The following MTSS1 variants were observed in gnomAD, a reference collection of about 807,000 sequenced individuals.
MTSS1 encodes the protein MTSS I-BAR domain containing 1.
Under a neutral mutation model 79.0 loss-of-function variants are expected in MTSS1, and 18 were observed. The ratio of observed to expected loss-of-function variants is 0.23; its 90% CI spans 0.16 to 0.34. The LOEUF is 0.34. Among genes scored for constraint, MTSS1 ranks in the 10% least tolerant of loss-of-function variants. The pLI is 1.00. For missense variants in MTSS1, 815 were observed against 986.2 expected (o/e 0.83, Z 2.33); for synonymous variants, 341 against 368.6 (o/e 0.93, Z 0.86).
chr8:124,567,555 C>A, intron 7 of MTSS1: 2 of 1,292,980 alleles, frequency 1.5e-6, no homozygotes, highest in Non-Finnish European at 1.0e-6. Flanking sequence ...ATGGATGACA[C>A]GACTTGGATA....
At chr8:124,603,794 G>A (rs1016908388) in intron 3 of MTSS1, among the ~76,000 whole-genome samples, 3 of 152,172 alleles carry the variant, frequency 2.0e-5, no homozygotes, top group African/African-American at 7.2e-5. Context: ...GCAGCGTCCT[G>A]ATACCTTATG....
chr8:124,577,663 T>C (rs1204691840), intron 6 of MTSS1: 1 of 517,112 alleles, frequency 1.9e-6, no homozygotes, highest in Non-Finnish European at 3.9e-6. Context: ...AGAAGGGGTC[T>C]GGCTGTGCCT....
chr8:124,695,879 T>C lies in MTSS1; in HGVS notation c.208+3647A>G, dbSNP rs192793283. Among the ~76,000 whole-genome samples the C allele has an allele frequency of 9.5e-3, 1,445 of 151,604 alleles. 44 individuals are homozygous for C. The highest frequency in any genetic ancestry group is 0.054 in the Admixed American group (815 of 15,204). On this transcript the variant is annotated intron_variant, in intron 3 of 13. Coordinates refer to ENST00000518547, the MANE Select transcript of MTSS1 (RefSeq NM_014751.6). ...GAAAACTAGTGTTGTTTTTTTTTTT[T>C]CCTCCCAGCATGTTTGTTTATATAT...
chr8:124,674,129 ATTTTATTT>A lies in MTSS1; in HGVS notation c.208+25389_208+25396del, dbSNP rs1240264187. 2.6e-5 allele frequency among the ~76,000 whole-genome samples: 4 copies of A among 152,058 alleles called. No homozygotes were observed. The East Asian group carries it at 7.7e-4, about 29-fold the overall frequency. ...CTAAGGGGCAGGTACAGAATATATT[ATTTTATTT>A]TTTTATTTTTTGAGATGGAGCCTCA... On this transcript the variant is annotated intron_variant, in intron 3 of 13. Transcript: ENST00000518547.
intron 3 of MTSS1, among the ~76,000 whole-genome samples, chr8:124,602,986 CA>C (rs1453986684): frequency 3.3e-5 from 5 of 152,188 alleles, no homozygotes; most frequent in Non-Finnish European, 7.3e-5. Context: ...AGAAAACTCA[CA>C]AAGCAACAAA....
intron 10 of MTSS1, chr8:124,558,737 C>G: frequency 6.3e-7 from 1 of 1,576,570 alleles, no homozygotes; most frequent in South Asian, 1.1e-5. Flanking sequence ...CCCAGGCACC[C>G]ATGGTGGAGC....
At chr8:124,712,916 C>T (rs998770220) in intron 1 of MTSS1, among the ~76,000 whole-genome samples, 2 of 152,162 alleles carry the variant, frequency 1.3e-5, no homozygotes, top group Admixed American at 6.5e-5. Context: ...TTCCTCCTCC[C>T]GCATTACTAG....
Position 124,567,982 on chromosome 8 carries a change from C to CA in MTSS1, c.618+396dup, listed in dbSNP as rs1333706450. Reference sequence around the variant, plus strand: ...AGTACTCGGCTACAACAGTGAGTCTCAAAACCACCTGGAGTGCTCCTTTAA... The same window carrying CA: ...AGTACTCGGCTACAACAGTGAGTCTCAAAAACCACCTGGAGTGCTCCTTTAA... On this transcript the variant is annotated intron_variant, in intron 7 of 13. Transcript: ENST00000518547. 9.7e-6 allele frequency: 13 copies of CA among 1,333,500 alleles called. 1 individual carries two copies. The Admixed American group carries it at 4.2e-4, about 43-fold the overall frequency. The allele number at this position is 1,333,500 out of a possible 1,614,324, so 82.6% of individuals were successfully genotyped here.
intron 9 of MTSS1, among the ~76,000 whole-genome samples, chr8:124,565,254 G>A (rs1016905094): frequency 6.6e-6 from 1 of 152,208 alleles, no homozygotes. Flanking sequence ...GGGGTGAAAT[G>A]AGGGCATAAG....
At position 124,582,426 on chromosome 8, in the gene MTSS1, G is replaced by A. The variant is rs550289156; in HGVS notation, c.460+2661C>T. On this transcript the variant is annotated intron_variant, in intron 6 of 13. Transcript: ENST00000518547. The surrounding 1 kb of genome is among the most constrained non-coding windows in gnomAD (Gnocchi z 4.8). ...ATCACATCCGTGTGTGTCTGCCCACGTCAAGGATGGTGGTAAAACCATGCT... is the reference window on the plus strand; with the variant it reads ...ATCACATCCGTGTGTGTCTGCCCACATCAAGGATGGTGGTAAAACCATGCT... 1.2e-4 allele frequency among the ~76,000 whole-genome samples: 18 copies of A among 152,234 alleles called. No homozygotes were observed. Among genetic ancestry groups the A allele is most frequent in the African/African-American group, 4.1e-4 (17 of 41,546 alleles).
chr8:124,717,303 C>T (rs1057223968), intron 1 of MTSS1, among the ~76,000 whole-genome samples: 5 of 151,982 alleles, frequency 3.3e-5, no homozygotes, highest in Non-Finnish European at 5.9e-5. Flanking sequence ...ACCAGCCTGG[C>T]CAACATGACA....
chr8:124,666,100 A>C (rs1019994983), intron 3 of MTSS1, among the ~76,000 whole-genome samples: 14 of 152,236 alleles, frequency 9.2e-5, no homozygotes, highest in Non-Finnish European at 1.9e-4. Flanking sequence ...TAAATGTTCA[A>C]TAGTCTCACT....
chr8:124,616,644 T>C (rs1470900259), intron 3 of MTSS1, among the ~76,000 whole-genome samples: 1 of 152,200 alleles, frequency 6.6e-6, no homozygotes, highest in Admixed American at 6.5e-5. Context: ...AGGGATCCTT[T>C]GGACTCCCCC....
intron 3 of MTSS1, among the ~76,000 whole-genome samples, chr8:124,603,834 A>G (rs1834337026): frequency 6.6e-6 from 1 of 152,088 alleles, no homozygotes. Flanking sequence ...CAAAACACAA[A>G]CTTTTTTGCC....
chr8:124,716,321 G>A (rs1831970515), intron 1 of MTSS1, among the ~76,000 whole-genome samples: 1 of 152,202 alleles, frequency 6.6e-6, no homozygotes, highest in African/African-American at 2.4e-5. Context: ...GACAGAATTA[G>A]CAAATGAAAG....
chr8:124,651,292 T>A (rs1176896598), intron 3 of MTSS1, among the ~76,000 whole-genome samples: 2 of 152,226 alleles, frequency 1.3e-5, no homozygotes, highest in Non-Finnish European at 2.9e-5. Flanking sequence ...CAAAGTATGC[T>A]GATAGCACCA....
At chr8:124,670,978 A>T (rs1321541926) in intron 3 of MTSS1, among the ~76,000 whole-genome samples, 3 of 152,182 alleles carry the variant, frequency 2.0e-5, no homozygotes, top group Non-Finnish European at 4.4e-5. Flanking sequence ...TTAATTTTCC[A>T]TAGTGATTAG....
At chr8:124,631,662 C>G (rs528964838) in intron 3 of MTSS1, among the ~76,000 whole-genome samples, 41 of 152,370 alleles carry the variant, frequency 2.7e-4, no homozygotes, top group Admixed American at 1.8e-3. Context: ...AGCCACCATT[C>G]AGGTTCTGAC....
chr8:124,596,209 G>A (rs1488951838), intron 3 of MTSS1, among the ~76,000 whole-genome samples: 1 of 152,188 alleles, frequency 6.6e-6, no homozygotes, highest in African/African-American at 2.4e-5. Flanking sequence ...GAGCCACTTT[G>A]ATTTGGTTCT....
Sources: gnomAD v4.1 joint callset for allele counts (sites outside exome capture counted in the v4.1 genomes callset) on GRCh38, gnomAD v4.1.1 for gene constraint, Gnocchi (gnomAD v3.1) non-coding constraint, MANE v1.5 for transcripts, NCBI Gene and HGNC (gene_info 2026-07-23, HGNC 2026-07-21) for gene names.